The following KHDRBS2 variants were observed in gnomAD, a reference collection of about 807,000 sequenced individuals.
KHDRBS2 encodes the protein KH RNA binding domain containing, signal transduction associated 2, also known as KH domain-containing, RNA-binding, signal transduction-associated protein 2.
In KHDRBS2, 26 loss-of-function variants were observed where a neutral mutation model predicts 44.3. That is an observed-to-expected ratio of 0.59 (90% CI 0.43 to 0.81). KHDRBS2 has a LOEUF of 0.81. Among genes scored for constraint, KHDRBS2 ranks in the 40% least tolerant of loss-of-function variants. KHDRBS2 has a pLI of 0.00. For synonymous variants in KHDRBS2, 194 were observed against 151.1 expected, an observed-to-expected ratio of 1.28 and a Z score of -2.08; for missense variants, 476 against 433.1, an observed-to-expected ratio of 1.10 and a Z score of -0.88.
chr6:61,559,749 C>A, the KHDRBS2 span, among the ~76,000 whole-genome samples: 1 of 152,138 alleles, frequency 6.6e-6, no homozygotes, highest in Non-Finnish European at 1.5e-5. Flanking sequence ...TGTTGTTTCT[C>A]TTCATATCTG....
intron 2 of KHDRBS2, among the ~76,000 whole-genome samples, chr6:62,134,322 T>C (rs1183811596): frequency 6.6e-6 from 1 of 152,108 alleles, no homozygotes; most frequent in Non-Finnish European, 1.5e-5. Context: ...GCAGCTTCCA[T>C]GTGGTGTTGA....
At chr6:62,128,405 C>A (rs1809464687) in intron 2 of KHDRBS2, among the ~76,000 whole-genome samples, 1 of 152,036 alleles carries the variant, frequency 6.6e-6, no homozygotes, top group African/African-American at 2.4e-5. Flanking sequence ...ACTGACAGTC[C>A]AAGTATTCAT....
intron 6 of KHDRBS2, among the ~76,000 whole-genome samples, chr6:61,767,749 G>A (rs372228801): frequency 6.6e-6 from 1 of 152,086 alleles, no homozygotes; most frequent in South Asian, 2.1e-4. Context: ...CAAGCAAAGA[G>A]AAAACTAATA....
the KHDRBS2 span, among the ~76,000 whole-genome samples, chr6:61,549,019 G>T: frequency 1.3e-5 from 2 of 152,098 alleles, no homozygotes; most frequent in African/African-American, 2.4e-5. Context: ...ACATAGCATG[G>T]CATGTAGCTT....
At chr6:61,569,728 T>A in the KHDRBS2 span, among the ~76,000 whole-genome samples, 1 of 152,158 alleles carries the variant, frequency 6.6e-6, no homozygotes, top group African/African-American at 2.4e-5. Context: ...CTAGAAGACC[T>A]GAAGACAGAT....
chr6:61,735,239 T>C (rs1658380576), intron 6 of KHDRBS2, among the ~76,000 whole-genome samples: 1 of 152,096 alleles, frequency 6.6e-6, no homozygotes, highest in Non-Finnish European at 1.5e-5. Flanking sequence ...ATTGACATTT[T>C]GTCTCATTTG....
At chr6:61,873,937 A>T (rs1288061697) in intron 6 of KHDRBS2, among the ~76,000 whole-genome samples, 1 of 152,032 alleles carries the variant, frequency 6.6e-6, no homozygotes, top group Non-Finnish European at 1.5e-5. Flanking sequence ...ACAAAGATGC[A>T]TGGGGGGCAT....
chr6:61,754,055 C>T (rs1266812883), intron 6 of KHDRBS2, among the ~76,000 whole-genome samples: 3 of 152,070 alleles, frequency 2.0e-5, no homozygotes, highest in Non-Finnish European at 4.4e-5. Flanking sequence ...AACAAGTTCT[C>T]ATGACACCTT....
At chr6:61,551,646 C>A in the KHDRBS2 span, among the ~76,000 whole-genome samples, 2 of 152,148 alleles carry the variant, frequency 1.3e-5, no homozygotes, top group Non-Finnish European at 2.9e-5. Flanking sequence ...TTGTTTTTGT[C>A]AGCTTTGTTG....
chr6:61,727,716 A>G (rs529088515), intron 7 of KHDRBS2, among the ~76,000 whole-genome samples: 2 of 152,266 alleles, frequency 1.3e-5, no homozygotes, highest in Non-Finnish European at 2.9e-5. Context: ...GAAAAATCAA[A>G]ACCAAAATGA....
chr6:61,647,602 A>C, the KHDRBS2 span, among the ~76,000 whole-genome samples: 1 of 152,178 alleles, frequency 6.6e-6, no homozygotes, highest in African/African-American at 2.4e-5. Flanking sequence ...GGCGCTTCTC[A>C]TAATCAATAT....
chr6:62,255,633 C>CACAT (rs1487683818), intron 1 of KHDRBS2, among the ~76,000 whole-genome samples: 1 of 151,358 alleles, frequency 6.6e-6, no homozygotes, highest in Non-Finnish European at 1.5e-5. Context: ...CACACACACA[C>CACAT]ACACACACAC....
chr6:61,846,099 A>ATT (rs1794368318), intron 6 of KHDRBS2, among the ~76,000 whole-genome samples: 3 of 152,100 alleles, frequency 2.0e-5, no homozygotes, highest in African/African-American at 7.2e-5. Context: ...CCTGAGTAAA[A>ATT]GCTCCCTGAG....
chr6:61,719,796 A>C (rs1772079750), intron 7 of KHDRBS2, among the ~76,000 whole-genome samples: 1 of 151,738 alleles, frequency 6.6e-6, no homozygotes, highest in East Asian at 1.9e-4. Context: ...TTATTATTAT[A>C]CTTTAAGTTT....
chr6:61,856,196 C>T (rs1796125356), intron 6 of KHDRBS2, among the ~76,000 whole-genome samples: 1 of 151,982 alleles, frequency 6.6e-6, no homozygotes, highest in African/African-American at 2.4e-5. Flanking sequence ...TTGTTTATTC[C>T]TCCTCTTTCC....
intron 2 of KHDRBS2, among the ~76,000 whole-genome samples, chr6:62,072,038 C>A (rs1487316464): frequency 2.0e-5 from 3 of 152,064 alleles, no homozygotes; most frequent in Non-Finnish European, 4.4e-5. Flanking sequence ...TTGTAGTTCT[C>A]CTTGAAGAGG....
Position 61,953,045 on chromosome 6 carries a change from A to G in KHDRBS2, c.483+25021T>C, listed in dbSNP as rs542970151. On this transcript the variant is annotated intron_variant, in intron 4 of 8. Coordinates refer to ENST00000281156, the MANE Select transcript of KHDRBS2 (RefSeq NM_152688.4). ...TTAATTATACTTACTCAAAGTTAAA[A>G]TAACTCAGAGTTAAAAAAATACCTG... Among the ~76,000 whole-genome samples, 8 of 152,156 alleles carry G rather than the reference A, an allele frequency of 5.3e-5. 1 individual carries two copies. The South Asian group carries it at 1.2e-3, about 24-fold the overall frequency.
chr6:62,276,026 C>T (rs1840882044), intron 1 of KHDRBS2, among the ~76,000 whole-genome samples: 2 of 152,172 alleles, frequency 1.3e-5, no homozygotes, highest in African/African-American at 4.8e-5. Context: ...GTTTCTATCA[C>T]AGAAGCTCCC....
intron 3 of KHDRBS2, among the ~76,000 whole-genome samples, chr6:62,040,933 G>T (rs376572130): frequency 3.9e-5 from 6 of 152,094 alleles, no homozygotes; most frequent in South Asian, 4.1e-4. Context: ...CAAATAATTT[G>T]CAGCCATTTT....
Sources: gnomAD v4.1 joint callset for allele counts (sites outside exome capture counted in the v4.1 genomes callset) on GRCh38, gnomAD v4.1.1 for gene constraint, MANE v1.5 for transcripts, NCBI Gene and HGNC (gene_info 2026-07-23, HGNC 2026-07-21) for gene names.